The following KDM4A variants were observed in gnomAD, a reference collection of about 807,000 sequenced individuals.
KDM4A encodes lysine-specific demethylase 4A.
In KDM4A, 23 loss-of-function variants were observed where a neutral mutation model predicts 127.1. The observed-to-expected ratio is 0.18, with a 90% CI of 0.13 to 0.26. KDM4A has a LOEUF of 0.26. Ranked by LOEUF, KDM4A falls within the 10% of genes least tolerant of loss-of-function variation. The pLI, the probability that KDM4A is intolerant of heterozygous loss-of-function variation, is 1.00. For synonymous variants in KDM4A, 443 were observed against 466.5 expected (o/e 0.95, Z 0.65); for missense variants, 890 against 1,329.1 (o/e 0.67, Z 5.14).
At chr1:43,700,214 A>G (rs1661353235) in intron 19 of KDM4A, among the ~76,000 whole-genome samples, 2 of 151,970 alleles carry the variant, frequency 1.3e-5, no homozygotes, top group African/African-American at 4.8e-5. Flanking sequence ...TGCAACCTCC[A>G]CATACCAGGC....
chr1:43,654,459 CTT>C (rs113258820), intron 2 of KDM4A, among the ~76,000 whole-genome samples: 1 of 146,298 alleles, frequency 6.8e-6, no homozygotes, highest in African/African-American at 2.5e-5. Flanking sequence ...ATTCTTTTTT[CTT>C]TTTTTTTTTC....
intron 11 of KDM4A, among the ~76,000 whole-genome samples, chr1:43,679,603 T>G (rs1478466227): frequency 1.3e-5 from 2 of 152,182 alleles, no homozygotes; most frequent in African/African-American, 4.8e-5. Context: ...AGGGCCTTTT[T>G]TAGGTCAGTC....
In KDM4A at chr1:43,688,333, A is replaced by T. The variant is rs1408301466; in HGVS notation, c.1856-581A>T. Among the ~76,000 whole-genome samples, 1 of 152,194 alleles carries T rather than the reference A, an allele frequency of 6.6e-6. No homozygotes were observed. The highest frequency in any genetic ancestry group is 1.5e-5 in the Non-Finnish European group (1 of 68,048). On this transcript the variant is annotated intron_variant, in intron 12 of 21. Coordinates refer to ENST00000372396, the MANE Select transcript of KDM4A (RefSeq NM_014663.3). This position sits in a 1 kb window ranked among gnomAD's most constrained non-coding sequence, Gnocchi z 4.4. ...GCTGGGAAGAGGATTCATCTTGGAC[A>T]TGTAGCTCTGCTCTAGGAGGGGTTG...
rs1660382987 is a variant in KDM4A, at chr1:43,661,631, A to AAG, written c.429+1220_429+1221insGA. 2.3e-5 allele frequency among the ~76,000 whole-genome samples: 3 copies of AAG among 130,938 alleles called. 1 individual carries two copies. Among genetic ancestry groups the AAG allele is most frequent in the South Asian group, 4.6e-4 (2 of 4,314 alleles). 85.9% of individuals were successfully genotyped at this position (130,938 alleles called of 152,430 possible). ...CTCAAAAAAAAAAAAAAAAAAAAAA[A>AAG]AAAAAAAAAGAATTCCAGTTTTGTT... On this transcript the variant is annotated intron_variant, in intron 4 of 21. Coordinates refer to ENST00000372396, the MANE Select transcript of KDM4A (RefSeq NM_014663.3).
rs140185630 is a variant in KDM4A, at chr1:43,660,292, A to G, written c.315-6A>G. 56 of 552,208 alleles carry G rather than the reference A, an allele frequency of 1.0e-4. No individual in the cohort carries two copies. The African/African-American group carries it at 2.0e-3, about 19-fold the overall frequency. The allele number at this position is 552,208 out of a possible 1,614,324, so 34.2% of individuals were successfully genotyped here. A position where few individuals can be genotyped will look rare whatever the true frequency, so the allele number is the denominator to read the frequency against. On this transcript the variant is annotated splice_polypyrimidine_tract_variant and splice_region_variant and intron_variant, in intron 3 of 21. Transcript: ENST00000372396. ...GGTTTACATGTTTCTTTTTACTTTC[A>G]AAAAGGTACTGTACCCCACGCTATA...
At chr1:43,685,929 T>C (rs1660964191) in intron 12 of KDM4A, among the ~76,000 whole-genome samples, 1 of 152,154 alleles carries the variant, frequency 6.6e-6, no homozygotes, top group African/African-American at 2.4e-5. Context: ...AGCACCTGCC[T>C]ATCTCCCTGA....
In KDM4A at chr1:43,690,844, G is replaced by T; in HGVS notation, c.2038-1G>T. 1 of 1,614,176 alleles carries T rather than the reference G, an allele frequency of 6.2e-7. No homozygotes were observed. The highest frequency in any genetic ancestry group is 8.5e-7 in the Non-Finnish European group (1 of 1,180,030). ...GGTGTACACTTGTTCTTTCCCCTTA[G>T]GTTGAATTTGGAGGCTTTAATCAGA... On this transcript the variant is annotated splice_acceptor_variant, in intron 13 of 21. Coordinates refer to ENST00000372396, the MANE Select transcript of KDM4A (RefSeq NM_014663.3). LOFTEE classifies it high-confidence loss of function.
chr1:43,669,076 A>T (rs367690296), intron 9 of KDM4A, 24 bp from the exon 10 acceptor site: 5 of 1,613,622 alleles, frequency 3.1e-6, no homozygotes, highest in Non-Finnish European at 4.2e-6. Context: ...TGGGCTCTTA[A>T]AAGATTTGCC....
intron 11 of KDM4A, among the ~76,000 whole-genome samples, chr1:43,682,061 C>T (rs772267869): frequency 4.8e-4 from 73 of 152,224 alleles, no homozygotes; most frequent in African/African-American, 1.2e-3. Context: ...CTTGACCTTC[C>T]GGGCTCAGGT....
At chr1:43,667,151 A>C (rs1660517348) in intron 8 of KDM4A, 60 bp downstream of exon 8, 6 of 1,587,850 alleles carry the variant, frequency 3.8e-6, no homozygotes, top group South Asian at 1.1e-5. Context: ...TTCTGGTTAG[A>C]TACGTTGGCT....
At chr1:43,695,981 G>A (rs550013492) in intron 18 of KDM4A, among the ~76,000 whole-genome samples, 1 of 152,340 alleles carries the variant, frequency 6.6e-6, no homozygotes, top group African/African-American at 2.4e-5. Flanking sequence ...AGGGAGAGAA[G>A]GAGGGATGAG....
At chr1:43,667,202 C>A in intron 8 of KDM4A, 111 bp downstream of exon 8, 1 of 1,222,584 alleles carries the variant, frequency 8.2e-7, no homozygotes, top group Non-Finnish European at 1.2e-6. Context: ...AATTCAGAAA[C>A]AAGCAGCTAG....
At chr1:43,654,100 C>T (rs1310295712) in intron 2 of KDM4A, among the ~76,000 whole-genome samples, 2 of 152,226 alleles carry the variant, frequency 1.3e-5, no homozygotes, top group Non-Finnish European at 2.9e-5. Flanking sequence ...CGACCACATC[C>T]TCTTTCTTAT....
chr1:43,674,587 G>A (rs1295064771), intron 11 of KDM4A, among the ~76,000 whole-genome samples: 1 of 151,586 alleles, frequency 6.6e-6, no homozygotes, highest in Non-Finnish European at 1.5e-5. Context: ...TGTAATCTTG[G>A]CTCACTGCAA....
Position 43,691,013 on chromosome 1 carries a change from G to A in KDM4A, c.2206G>A (p.Val736Ile), listed in dbSNP as rs757083813. 1.7e-5 allele frequency: 28 copies of A among 1,614,076 alleles called. No homozygotes were observed. In the East Asian group the frequency reaches 2.0e-4, roughly 12 times the overall value. ...TGAGGAGGATGGCACCAGCATACTCGTTTCCTGCAAGAAGTGCAGCGTCCG... is the reference window on the plus strand; with the variant it reads ...TGAGGAGGATGGCACCAGCATACTCATTTCCTGCAAGAAGTGCAGCGTCCG... Reference protein sequence around the residue: ...YLEEDGTSILVSCKKCSVRVH... With the variant: ...YLEEDGTSILISCKKCSVRVH... The change falls in exon 14 of 22, where the codon GTT becomes ATT. Residue 736 changes from valine to isoleucine, a missense_variant. Physicochemically the swap from Val to Ile is conservative, Grantham distance 29. Coordinates refer to ENST00000372396, the MANE Select transcript of KDM4A (RefSeq NM_014663.3).
chr1:43,669,017 G>T, intron 9 of KDM4A, 83 bp from the exon 10 acceptor site: 5 of 1,419,114 alleles, frequency 3.5e-6, no homozygotes, highest in Non-Finnish European at 3.9e-6. Context: ...ATTCACTTTG[G>T]GTTGTGTGTG....
rs779663174 is a variant in KDM4A, at chr1:43,694,448, G to A, written c.2485-261G>A. 2.0e-5 allele frequency among the ~76,000 whole-genome samples: 3 copies of A among 151,750 alleles called. No homozygotes were observed. The highest frequency in any genetic ancestry group is 4.4e-5 in the Non-Finnish European group (3 of 67,942). ...GGAGAATCACTTGAACCCGGGAGGC[G>A]GAGGTTGCAGTGAGCCGATATTGTG... On this transcript the variant is annotated intron_variant, in intron 17 of 21. Coordinates refer to ENST00000372396, the MANE Select transcript of KDM4A (RefSeq NM_014663.3). The surrounding 1 kb of genome is among the most constrained non-coding windows in gnomAD (Gnocchi z 5.2).
intron 11 of KDM4A, among the ~76,000 whole-genome samples, chr1:43,676,482 G>A (rs555949723): frequency 3.3e-5 from 5 of 151,902 alleles, no homozygotes; most frequent in South Asian, 4.2e-4. Context: ...CACCATGCCC[G>A]GCTAATTTTT....
chr1:43,695,728 T>A (rs1570873762), intron 18 of KDM4A, among the ~76,000 whole-genome samples: 1 of 151,988 alleles, frequency 6.6e-6, no homozygotes, highest in South Asian at 2.1e-4. Context: ...CAGGAGAGAG[T>A]GAGGTCTGAA....
Sources: allele counts gnomAD v4.1 joint callset (sites outside exome capture counted in the v4.1 genomes callset), GRCh38; gene constraint gnomAD v4.1.1; non-coding constraint Gnocchi (gnomAD v3.1); transcripts MANE v1.5; gene names NCBI Gene and HGNC (gene_info 2026-07-23, HGNC 2026-07-21).